The following CCSER1 variants were observed in gnomAD, a reference collection of about 807,000 sequenced individuals.
CCSER1 encodes coiled-coil serine rich protein 1.
Under a neutral mutation model 82.0 loss-of-function variants are expected in CCSER1, and 41 were observed. The observed-to-expected ratio is 0.50, with a 90% CI of 0.39 to 0.65. The LOEUF (loss-of-function observed/expected upper bound fraction) is 0.65, where lower values mean the gene tolerates loss of function less well. CCSER1 is among the 30% of genes least tolerant of loss of function. The pLI is 0.00. For missense variants in CCSER1, 1,119 were observed against 1,064.2 expected (o/e 1.05, Z -0.72); for synonymous variants, 414 against 383.9 (o/e 1.08, Z -0.92).
chr4:90,455,846 A>C (rs1311893213), intron 4 of CCSER1, among the ~76,000 whole-genome samples: 4 of 152,188 alleles, frequency 2.6e-5, no homozygotes, highest in Non-Finnish European at 5.9e-5. Flanking sequence ...GGCAGGAGTT[A>C]GTCATGCTCA....
chr4:91,094,138 T>A (rs1724256044), intron 10 of CCSER1, among the ~76,000 whole-genome samples: 1 of 152,158 alleles, frequency 6.6e-6, no homozygotes, highest in Non-Finnish European at 1.5e-5. Context: ...CCGTGGAGTG[T>A]CCTAGCAGAA....
chr4:90,853,325 A>G (rs1764093487), intron 8 of CCSER1, among the ~76,000 whole-genome samples: 1 of 152,138 alleles, frequency 6.6e-6, no homozygotes, highest in Non-Finnish European at 1.5e-5. Context: ...GAATTTGTAA[A>G]TAAAAACAAA....
intron 6 of CCSER1, among the ~76,000 whole-genome samples, chr4:90,669,953 A>G (rs565338407): frequency 8.9e-4 from 135 of 152,162 alleles, no homozygotes; most frequent in African/African-American, 3.0e-3. Flanking sequence ...ATGCTTTTAG[A>G]TTGGATTATC....
intron 10 of CCSER1, among the ~76,000 whole-genome samples, chr4:91,589,281 T>C (rs1764152677): frequency 6.6e-6 from 1 of 151,766 alleles, no homozygotes; most frequent in African/African-American, 2.4e-5. Context: ...AAGCAAGAAA[T>C]TTAGGGCTCA....
intron 5 of CCSER1, among the ~76,000 whole-genome samples, chr4:90,623,481 T>C (rs1339612786): frequency 6.6e-6 from 1 of 152,088 alleles, no homozygotes; most frequent in East Asian, 1.9e-4. Context: ...AGAGATGAGG[T>C]TTTGTGAGAG....
chr4:90,240,981 G>A (rs1293883324), intron 1 of CCSER1, among the ~76,000 whole-genome samples: 1 of 152,132 alleles, frequency 6.6e-6, no homozygotes, highest in Non-Finnish European at 1.5e-5. Context: ...AGGAATTCAT[G>A]GTGTATCAAT....
rs544767715 is a variant in CCSER1 at position 91,168,329 on chromosome 4, C to T, written c.2217+82335C>T. On this transcript the variant is annotated intron_variant, in intron 10 of 10. Coordinates refer to ENST00000509176, the MANE Select transcript of CCSER1 (RefSeq NM_001145065.2). ...TGTGAGGAGCGCCTCTGCCCGGCCA[C>T]CCCCTCTGGGAAGTGAGGAGCGCCT... Among the ~76,000 whole-genome samples, 51 of 146,096 alleles carry T rather than the reference C, an allele frequency of 3.5e-4. No homozygotes were observed. The South Asian group carries it at 3.9e-3, about 11-fold the overall frequency.
At chr4:91,564,700 G>A (rs951617354) in intron 10 of CCSER1, among the ~76,000 whole-genome samples, 2 of 151,728 alleles carry the variant, frequency 1.3e-5, no homozygotes, top group Non-Finnish European at 2.9e-5. Flanking sequence ...TTAGAGAAGT[G>A]TTTGTTCATT....
At chr4:90,974,458 A>G (rs1300182278) in intron 9 of CCSER1, among the ~76,000 whole-genome samples, 1 of 151,414 alleles carries the variant, frequency 6.6e-6, no homozygotes, top group Non-Finnish European at 1.5e-5. Flanking sequence ...TGCTTGAAAA[A>G]AAAGAAAAAG....
chr4:90,434,291 G>T (rs1177659286), intron 4 of CCSER1, among the ~76,000 whole-genome samples: 1 of 151,992 alleles, frequency 6.6e-6, no homozygotes, highest in African/African-American at 2.4e-5. Context: ...GGTTAGATAA[G>T]AAAATAGAAC....
chr4:91,175,891 T>A (rs1437671828), intron 10 of CCSER1, among the ~76,000 whole-genome samples: 1 of 152,232 alleles, frequency 6.6e-6, no homozygotes, highest in Non-Finnish European at 1.5e-5. Context: ...AGTCATGAAG[T>A]TCTTGCCCAT....
At chr4:90,914,445 A>G (rs568095941) in intron 8 of CCSER1, among the ~76,000 whole-genome samples, 1 of 152,200 alleles carries the variant, frequency 6.6e-6, no homozygotes, top group African/African-American at 2.4e-5. Context: ...TTTGAAACCA[A>G]TGAGAACAAA....
intron 8 of CCSER1, among the ~76,000 whole-genome samples, chr4:90,913,401 A>G (rs1726752727): frequency 6.6e-6 from 1 of 152,188 alleles, no homozygotes. Context: ...AAGCTTCATA[A>G]GTGGAGGAGA....
chr4:90,662,000 CTT>C (rs768964116), intron 6 of CCSER1, among the ~76,000 whole-genome samples: 7 of 136,164 alleles, frequency 5.1e-5, no homozygotes, highest in Non-Finnish European at 6.3e-5. Context: ...TTCTTTCTTT[CTT>C]TTTTTTTTTT....
chr4:90,855,237 A>G (rs1297724440), intron 8 of CCSER1, among the ~76,000 whole-genome samples: 5 of 152,142 alleles, frequency 3.3e-5, no homozygotes. Context: ...ATTTGTTTTC[A>G]TTCTCTGAAG....
intron 4 of CCSER1, among the ~76,000 whole-genome samples, chr4:90,432,294 G>C (rs1342541160): frequency 6.6e-6 from 1 of 152,094 alleles, no homozygotes; most frequent in Non-Finnish European, 1.5e-5. Flanking sequence ...AAAAATGAGA[G>C]ATGGGCTTAG....
chr4:91,313,783 T>G (rs1262068598), intron 10 of CCSER1, among the ~76,000 whole-genome samples: 1 of 151,944 alleles, frequency 6.6e-6, no homozygotes, highest in Non-Finnish European at 1.5e-5. Context: ...CCCTGACCTA[T>G]GATTGAGGCC....
At chr4:91,485,700 G>A (rs140928252) in intron 10 of CCSER1, among the ~76,000 whole-genome samples, 78 of 152,186 alleles carry the variant, frequency 5.1e-4, no homozygotes, top group African/African-American at 1.8e-3. Flanking sequence ...AGTTACTAAT[G>A]CACTTGGACA....
At chr4:90,271,478 CA>C (rs1410214291) in intron 1 of CCSER1, among the ~76,000 whole-genome samples, 1 of 151,888 alleles carries the variant, frequency 6.6e-6, no homozygotes, top group Non-Finnish European at 1.5e-5. Flanking sequence ...TTACCATATA[CA>C]AAAATCAAAT....
Sources: gnomAD v4.1 joint callset for allele counts (sites outside exome capture counted in the v4.1 genomes callset) on GRCh38, gnomAD v4.1.1 for gene constraint, MANE v1.5 for transcripts, NCBI Gene and HGNC (gene_info 2026-07-23, HGNC 2026-07-21) for gene names.